Variants in KCTD3 observed in about 807,000 individuals in gnomAD.
KCTD3 encodes the protein BTB/POZ domain-containing protein KCTD3.
A neutral mutation model predicts 85.8 loss-of-function variants in KCTD3; 41 were observed. The observed-to-expected ratio is 0.48, with a 90% CI of 0.37 to 0.62. KCTD3 has a LOEUF of 0.62. KCTD3 is among the 20% of genes least tolerant of loss of function. The probability of loss-of-function intolerance (pLI) is 0.00; values close to 1 mark genes in which losing one functional copy is unlikely to be tolerated. For synonymous variants in KCTD3, 338 were observed against 345.4 expected (o/e 0.98, Z 0.24); for missense variants, 724 against 989.9 (o/e 0.73, Z 3.60).
At chr1:215,590,259 T>TCATTTGCC (rs1660160292) in intron 9 of KCTD3, among the ~76,000 whole-genome samples, 2 of 152,314 alleles carry the variant, frequency 1.3e-5, no homozygotes, top group South Asian at 4.1e-4. Flanking sequence ...TCTCTGTAAA[T>TCATTTGCC]CATTTGCCCT....
chr1:215,578,367 GT>G (rs1267061377), intron 6 of KCTD3, among the ~76,000 whole-genome samples: 1 of 152,154 alleles, frequency 6.6e-6, no homozygotes, highest in African/African-American at 2.4e-5. Context: ...AGGTTTAACT[GT>G]AACCACTACA....
chr1:215,569,125 CT>C (rs397964441), intron 1 of KCTD3, among the ~76,000 whole-genome samples: 213 of 139,006 alleles, frequency 1.5e-3, no homozygotes, highest in African/African-American at 1.8e-3. Flanking sequence ...CTTTAATTTT[CT>C]TTTTTTTTTT....
intron 8 of KCTD3, 101 bp from the exon 9 acceptor site, chr1:215,586,394 T>G: frequency 1.0e-6 from 1 of 985,528 alleles, no homozygotes; most frequent in South Asian, 1.8e-5. Flanking sequence ...TAGTTTTTTT[T>G]TTGTTTTTTG....
Position 215,612,277 on chromosome 1 carries a change from A to G in KCTD3, c.1562+356A>G, listed in dbSNP as rs182726087. On this transcript the variant is annotated intron_variant, in intron 15 of 17. Coordinates refer to ENST00000259154, the MANE Select transcript of KCTD3 (RefSeq NM_016121.5). ...TATTTTCCATCCCATATAAATCTGT[A>G]TACATTATTGATGTTTCTCAAATAA... Among the ~76,000 whole-genome samples, 89 of 152,334 alleles carry G rather than the reference A, an allele frequency of 5.8e-4. No individual in the cohort carries two copies. The South Asian group carries it at 7.7e-3, about 13-fold the overall frequency.
intron 1 of KCTD3, 123 bp downstream of exon 1, chr1:215,567,891 G>C (rs564198004): frequency 3.4e-6 from 2 of 592,312 alleles, no homozygotes; most frequent in East Asian, 7.1e-5. Context: ...GGAGGGGAAC[G>C]TGGGGGCCTC....
chr1:215,582,665 A>G (rs1465839316), intron 8 of KCTD3, among the ~76,000 whole-genome samples: 1 of 152,060 alleles, frequency 6.6e-6, no homozygotes, highest in Non-Finnish European at 1.5e-5. Flanking sequence ...GGGTTCAAGC[A>G]ATTCTCCCAC....
intron 15 of KCTD3, among the ~76,000 whole-genome samples, chr1:215,612,627 C>T (rs771006182): frequency 7.2e-5 from 11 of 152,130 alleles, no homozygotes; most frequent in Non-Finnish European, 1.2e-4. Context: ...TGCTGGCAGA[C>T]GGCTGAACTA....
In KCTD3 at chr1:215,620,512, A is replaced by G. The variant is rs151078062; in HGVS notation, c.2342A>G (p.Asp781Gly). Residue 781 changes from aspartate to glycine, a missense_variant, in exon 18 of 18, where the codon GAT (aspartate) becomes GGT (glycine). By Grantham distance (94) the Asp-to-Gly change is moderately conservative. Around this residue, in one of 6 missense-constraint regions of KCTD3, gnomAD observed 222 missense variants for 217.7 expected, o/e 1.02. Coordinates refer to ENST00000259154, the MANE Select transcript of KCTD3 (RefSeq NM_016121.5). ...PYLASSPSTS[D>G]GGTDSPGTAS... ...CTGGCGTCATCACCAAGTACTTCCG[A>G]TGGAGGAACTGACTCACCTGGTACT... 2 of 1,613,438 alleles carry G rather than the reference A, an allele frequency of 1.2e-6. No individual in the cohort carries two copies. Among genetic ancestry groups the G allele is most frequent in the Non-Finnish European group, 1.7e-6 (2 of 1,179,500 alleles).
At chr1:215,609,531 G>C (rs1467411383) in intron 14 of KCTD3, among the ~76,000 whole-genome samples, 1 of 151,874 alleles carries the variant, frequency 6.6e-6, no homozygotes, top group Non-Finnish European at 1.5e-5. Flanking sequence ...AATGATACTA[G>C]ATTTGTGATA....
intron 1 of KCTD3, among the ~76,000 whole-genome samples, chr1:215,571,546 A>G (rs1659367671): frequency 6.6e-6 from 1 of 152,010 alleles, no homozygotes; most frequent in African/African-American, 2.4e-5. Context: ...GAATTGTTTT[A>G]CTGTCTTTCC....
In KCTD3 at chr1:215,620,079, A is replaced by G; in HGVS notation, c.1909A>G (p.Thr637Ala). The change falls in exon 18 of 18, where the codon ACC becomes GCC. Residue 637 changes from threonine (T) to alanine (A), a missense_variant. Thr to Ala is a moderately conservative substitution (Grantham distance 58). This residue lies in a region of KCTD3 where 222 missense variants were observed against 217.7 expected (regional missense o/e 1.02). Coordinates refer to ENST00000259154, the MANE Select transcript of KCTD3 (RefSeq NM_016121.5). ...CAGCCTTCAGCTTCAGCACCATGAT[A>G]CCACCCATGAAGCAGCTACTTACGG... ...NSSLQLQHHD[T>A]THEAATYGSM... 1 of 1,597,542 alleles carries G rather than the reference A, an allele frequency of 6.3e-7. No individual in the cohort carries two copies. Among genetic ancestry groups the G allele is most frequent in the Non-Finnish European group, 8.5e-7 (1 of 1,175,020 alleles).
At chr1:215,576,734 A>AT (rs1394551042) in intron 4 of KCTD3, among the ~76,000 whole-genome samples, 1 of 151,534 alleles carries the variant, frequency 6.6e-6, no homozygotes, top group East Asian at 2.0e-4. Flanking sequence ...CACCCGGCTA[A>AT]TTTTTTTGTA....
At chr1:215,586,803 A>G in intron 9 of KCTD3, 118 bp downstream of exon 9, 2 of 755,926 alleles carry the variant, frequency 2.6e-6, no homozygotes, top group Admixed American at 2.6e-5. Flanking sequence ...GAGCTGTCAC[A>G]GTATTTAATG....
In KCTD3 at chr1:215,602,165, A is replaced by G. The variant is rs1465849935; in HGVS notation, c.1102A>G (p.Ile368Val). 6 of 1,606,704 alleles carry G rather than the reference A, an allele frequency of 3.7e-6. No homozygotes were observed. The highest frequency in any genetic ancestry group is 1.3e-5 in the African/African-American group (1 of 74,736). ...ELYHDPSNDA[I>V]TALSVYLTPK... ...GTATCATGATCCTTCAAATGATGCT[A>G]TTACTGCTCTGAGTGTTTACCTCAC... Residue 368 changes from isoleucine (I) to valine (V), a missense_variant, in exon 12 of 18, where the codon ATT (isoleucine) becomes GTT (valine). Physicochemically the swap from Ile to Val is conservative, Grantham distance 29. Around this residue, in one of 6 missense-constraint regions of KCTD3, gnomAD observed 146 missense variants for 320.3 expected, o/e 0.46. Coordinates refer to ENST00000259154, the MANE Select transcript of KCTD3 (RefSeq NM_016121.5).
At chr1:215,600,911 A>T (rs1416943982) in intron 10 of KCTD3, among the ~76,000 whole-genome samples, 1 of 151,976 alleles carries the variant, frequency 6.6e-6, no homozygotes, top group Non-Finnish European at 1.5e-5. Flanking sequence ...CTCTAGTAAA[A>T]TAGTATTGCA....
Position 215,621,364 on chromosome 1 carries a change from A to T in KCTD3, c.*746A>T, listed in dbSNP as rs1286475753. The T allele has an allele frequency of 6.6e-6, 1 of 152,108 alleles. No individual in the cohort carries two copies. The highest frequency in any genetic ancestry group is 1.5e-5 in the Non-Finnish European group (1 of 67,966). The allele number at this position is 152,108 out of a possible 1,614,324, so 9.4% of individuals were successfully genotyped here. A position where few individuals can be genotyped will look rare whatever the true frequency, so the allele number is the denominator to read the frequency against. Reference sequence around the variant, plus strand: ...ATCAAGGGCAAAGCTTTGAGTGCCCAGAAGGGAAAGCTGTACCAGTTGCTA... The same window carrying T: ...ATCAAGGGCAAAGCTTTGAGTGCCCTGAAGGGAAAGCTGTACCAGTTGCTA... On this transcript the variant is annotated 3_prime_UTR_variant, in exon 18 of 18. Transcript: ENST00000259154.
intron 1 of KCTD3, 106 bp downstream of exon 1, chr1:215,567,874 CAAGCCTGG>C (rs1659199723): frequency 1.3e-6 from 1 of 792,164 alleles, no homozygotes; most frequent in South Asian, 6.4e-5. Context: ...CGTGGGAGGC[CAAGCCTGG>C]AGGGGAACGT....
Position 215,580,009 on chromosome 1 carries a change from A to G in KCTD3, c.626+10A>G, listed in dbSNP as rs774836275. On this transcript the variant is annotated intron_variant, in intron 8 of 17. Coordinates refer to ENST00000259154, the MANE Select transcript of KCTD3 (RefSeq NM_016121.5). Reference sequence around the variant, plus strand: ...TTGCTGTGTGTTACAGGTAGTGTATAATTAATAATGCTTTGCTTTTACAGG... The same window carrying G: ...TTGCTGTGTGTTACAGGTAGTGTATGATTAATAATGCTTTGCTTTTACAGG... 1 of 1,537,010 alleles carries G rather than the reference A, an allele frequency of 6.5e-7. No homozygotes were observed. Among genetic ancestry groups the G allele is most frequent in the East Asian group, 2.2e-5 (1 of 44,474 alleles).
At chr1:215,582,631 G>A (rs1659867417) in intron 8 of KCTD3, among the ~76,000 whole-genome samples, 3 of 151,980 alleles carry the variant, frequency 2.0e-5, no homozygotes, top group Admixed American at 6.5e-5. Context: ...GCGTGATCTC[G>A]GGTCACTGCA....
Sources: allele counts gnomAD v4.1 joint callset (sites outside exome capture counted in the v4.1 genomes callset), GRCh38; gene constraint gnomAD v4.1.1; regional missense constraint gnomAD v4.1.1; transcripts MANE v1.5; gene names NCBI Gene and HGNC (gene_info 2026-07-23, HGNC 2026-07-21).